SENP1: variants seen among roughly 807,000 people sequenced by gnomAD.
SENP1 encodes sentrin-specific protease 1.
In SENP1, 21 loss-of-function variants were observed where a neutral mutation model predicts 93.0. That is an observed-to-expected ratio of 0.23 (90% CI 0.16 to 0.33). The LOEUF (loss-of-function observed/expected upper bound fraction) is 0.33, where lower values mean the gene tolerates loss of function less well. Ranked by LOEUF, SENP1 falls within the 10% of genes least tolerant of loss-of-function variation. The pLI is 1.00. For synonymous variants in SENP1, 256 were observed against 259.6 expected (o/e 0.99, Z 0.13); for missense variants, 591 against 758.7 (o/e 0.78, Z 2.60).
At position 48,105,820 on chromosome 12, in the gene SENP1, C is replaced by T. The variant is rs536294832; in HGVS notation, c.-45+208G>A. 84 of 595,138 alleles carry T rather than the reference C, an allele frequency of 1.4e-4. No individual in the cohort carries two copies. The African/African-American group carries it at 1.5e-3, about 10-fold the overall frequency. 36.9% of individuals were successfully genotyped at this position (595,138 alleles called of 1,614,324 possible). A position where few individuals can be genotyped will look rare whatever the true frequency, so the allele number is the denominator to read the frequency against. On this transcript the variant is annotated intron_variant, in intron 1 of 17. Transcript: ENST00000549518. ...GAAGGAACGGCCTCAGGTAGCCTAA[C>T]GGCCACCGGCGGCCACAGCGCGGCC...
chr12:48,066,190 A>G lies in SENP1; in HGVS notation c.1035-510T>C, dbSNP rs913106442. 3.3e-5 allele frequency among the ~76,000 whole-genome samples: 5 copies of G among 152,200 alleles called. 1 individual carries two copies. The highest frequency in any genetic ancestry group is 1.2e-4 in the African/African-American group (5 of 41,452). ...GAGAAACGAATACAAGATATCACTG[A>G]AGTTTAATTCAAATACTTCATTTTT... On this transcript the variant is annotated intron_variant, in intron 10 of 17. Coordinates refer to ENST00000549518, the MANE Select transcript of SENP1 (RefSeq NM_001267594.2).
At position 48,096,361 on chromosome 12, in the gene SENP1, T is replaced by G. The variant is rs373166980; in HGVS notation, c.202A>C (p.Asn68His). 1.2e-6 allele frequency: 2 copies of G among 1,604,888 alleles called. No individual in the cohort carries two copies. The highest frequency in any genetic ancestry group is 2.7e-5 in the African/African-American group (2 of 74,746). Residue 68 changes from asparagine to histidine, a missense_variant, in exon 4 of 18, where the codon AAT (asparagine) becomes CAT (histidine). This residue lies in a region of SENP1 where 214 missense variants were observed against 243.4 expected (regional missense o/e 0.88). Transcript: ENST00000549518. ...GTCATACCTGAGTAATAGCTTGGAT[T>G]ATAAGCTGCACTTCTTGTGGAACAT... ...FTCSTRSAAY[N>H]PSYYSDNPSS...
At chr12:48,085,878 T>C (rs1176888472) in intron 5 of SENP1, among the ~76,000 whole-genome samples, 1 of 152,192 alleles carries the variant, frequency 6.6e-6, no homozygotes, top group Non-Finnish European at 1.5e-5. Flanking sequence ...CAATGTCTTC[T>C]GTATTTGTGT....
intron 12 of SENP1, 125 bp downstream of exon 12, chr12:48,064,940 G>A (rs1259144228): frequency 1.5e-6 from 1 of 669,420 alleles, no homozygotes; most frequent in Admixed American, 2.7e-5. Context: ...GTCTCCCAAA[G>A]TGATGGGATT....
At chr12:48,069,150 C>CAAA in intron 9 of SENP1, among the ~76,000 whole-genome samples, 1 of 15,340 alleles carries the variant, frequency 6.5e-5, no homozygotes, top group Non-Finnish European at 1.1e-4. Flanking sequence ...AAGACTCTGT[C>CAAA]ACAAAAAAAA....
intron 8 of SENP1, 114 bp from the exon 9 acceptor site, chr12:48,071,835 A>G (rs901341080): frequency 5.8e-6 from 4 of 688,120 alleles, no homozygotes; most frequent in East Asian, 2.8e-5. Context: ...CAAAAATAAC[A>G]TAAGAACAAA....
chr12:48,064,888 G>T (rs976963429), intron 12 of SENP1, among the ~76,000 whole-genome samples, 177 bp downstream of exon 12: 2 of 152,118 alleles, frequency 1.3e-5, no homozygotes, highest in African/African-American at 4.8e-5. Flanking sequence ...TGTTGGCCAG[G>T]CTGGTCTCGA....
chr12:48,063,932 A>G, intron 12 of SENP1, 91 bp from the exon 13 acceptor site: 1 of 1,169,712 alleles, frequency 8.5e-7, no homozygotes, highest in Admixed American at 2.4e-5. Flanking sequence ...CTCAGACTAT[A>G]TTTATCACCA....
At chr12:48,093,163 T>C (rs1301492067) in intron 4 of SENP1, among the ~76,000 whole-genome samples, 2 of 152,018 alleles carry the variant, frequency 1.3e-5, no homozygotes, top group African/African-American at 4.8e-5. Flanking sequence ...TAATCAAACA[T>C]GTTATCTACA....
chr12:48,047,923 A>G (rs1400513413), intron 15 of SENP1, 78 bp downstream of exon 15: 4 of 899,286 alleles, frequency 4.4e-6, no homozygotes, highest in Admixed American at 4.1e-5. Flanking sequence ...TGAAGGTATC[A>G]AACAACTGAG....
rs1943249342 is a variant in SENP1, at chr12:48,065,665, A to T, written c.1050T>A (p.Asp350Glu). Reference protein sequence around the residue: ...LWIKELTSVYDSRARERLRQI... With the variant: ...LWIKELTSVYESRARERLRQI... Reference sequence around the variant, plus strand: ...GGCGCAATCTTTCTCGTGCTCGAGAATCATAAACACTAGTTCTAGAAAATG... The same window carrying T: ...GGCGCAATCTTTCTCGTGCTCGAGATTCATAAACACTAGTTCTAGAAAATG... Residue 350 changes from aspartate to glutamate, a missense_variant, in exon 11 of 18, where the codon GAT (aspartate) becomes GAA (glutamate). Transcript: ENST00000549518. The T allele has an allele frequency of 3.2e-6, 5 of 1,556,834 alleles. No homozygotes were observed. The Admixed American group carries it at 9.6e-5, about 30-fold the overall frequency.
At chr12:48,088,180 G>A (rs190875761) in intron 5 of SENP1, among the ~76,000 whole-genome samples, 254 of 152,044 alleles carry the variant, frequency 1.7e-3, no homozygotes, top group Non-Finnish European at 3.3e-3. Context: ...AGCCTCTCAA[G>A]TAGCTGGGAC....
intron 6 of SENP1, among the ~76,000 whole-genome samples, chr12:48,082,363 C>T (rs1944549844): frequency 6.6e-6 from 1 of 152,158 alleles, no homozygotes; most frequent in African/African-American, 2.4e-5. Flanking sequence ...AACCATATTG[C>T]TGTGTTGTAT....
intron 5 of SENP1, among the ~76,000 whole-genome samples, chr12:48,084,684 G>A (rs1206291452): frequency 1.3e-5 from 2 of 152,068 alleles, no homozygotes; most frequent in Non-Finnish European, 2.9e-5. Flanking sequence ...CTGACCTCAG[G>A]TAATCCGCCG....
chr12:48,078,317 T>TTTTATATATATATA (rs1944243783), intron 6 of SENP1, among the ~76,000 whole-genome samples: 1 of 70,742 alleles, frequency 1.4e-5, no homozygotes, highest in South Asian at 6.5e-4. Flanking sequence ...CTGTAGGATT[T>TTTTATATATATATA]TATATATATA....
chr12:48,069,741 T>C (rs903039115), intron 9 of SENP1, among the ~76,000 whole-genome samples: 7 of 152,154 alleles, frequency 4.6e-5, no homozygotes, highest in African/African-American at 1.7e-4. Context: ...ACATGAAGCC[T>C]TTTCCAACCC....
chr12:48,105,207 C>A, intron 1 of SENP1: 9 of 334,998 alleles, frequency 2.7e-5, no homozygotes, highest in South Asian at 1.4e-4. Context: ...ATAAGTGTAC[C>A]AAATATGAAG....
intron 1 of SENP1, 134 bp downstream of exon 1, chr12:48,105,894 G>C: frequency 1.6e-6 from 1 of 621,622 alleles, no homozygotes; most frequent in Non-Finnish European, 2.9e-6. Flanking sequence ...CGGGGCAGAG[G>C]AAAAGGCGCC....
intron 13 of SENP1, among the ~76,000 whole-genome samples, chr12:48,056,420 G>T (rs11168375): frequency 0.67 from 63,597 of 94,246 alleles, 22,359 homozygotes; most frequent in East Asian, 0.96. Context: ...ATTTAATATA[G>T]TACATATTAC....
Sources: gnomAD v4.1 joint callset for allele counts (sites outside exome capture counted in the v4.1 genomes callset) on GRCh38, gnomAD v4.1.1 for gene constraint, gnomAD v4.1.1 regional missense constraint, MANE v1.5 for transcripts, NCBI Gene and HGNC (gene_info 2026-07-23, HGNC 2026-07-21) for gene names.